The following FANK1 variants were observed in gnomAD, a reference collection of about 807,000 sequenced individuals.
The protein encoded by FANK1 is fibronectin type III and ankyrin repeat domains 1, also known as fibronectin type 3 and ankyrin repeat domains protein 1.
A neutral mutation model predicts 45.3 loss-of-function variants in FANK1; 44 were observed. That is an observed-to-expected ratio of 0.97 (90% CI 0.76 to 1.25). The LOEUF is 1.25. Ranked by LOEUF, FANK1 falls within the 50% of genes most tolerant of loss-of-function variation. The pLI is 0.00. For missense variants in FANK1, 391 were observed against 424.4 expected, an observed-to-expected ratio of 0.92 and a Z score of 0.69; for synonymous variants, 149 against 152.5, an observed-to-expected ratio of 0.98 and a Z score of 0.17.
chr10:125,956,038 C>T (rs963974640), intron 1 of FANK1, among the ~76,000 whole-genome samples: 1 of 152,040 alleles, frequency 6.6e-6, no homozygotes, highest in African/African-American at 2.4e-5. Context: ...GCCCACATTC[C>T]CACTTCCATT....
chr10:125,900,809 G>A (rs1488523062), intron 1 of FANK1, among the ~76,000 whole-genome samples: 1 of 151,990 alleles, frequency 6.6e-6, no homozygotes, highest in Non-Finnish European at 1.5e-5. Context: ...ACGCCATCAT[G>A]CCTGGCTAAT....
At chr10:125,995,964 G>A (rs1462308783) in intron 4 of FANK1, among the ~76,000 whole-genome samples, 1 of 152,220 alleles carries the variant, frequency 6.6e-6, no homozygotes, top group African/African-American at 2.4e-5. Context: ...ATGAAAAGTA[G>A]ATGTTATCTA....
At chr10:125,951,237 A>T (rs1228266207) in intron 1 of FANK1, among the ~76,000 whole-genome samples, 1 of 100,382 alleles carries the variant, frequency 1.0e-5, no homozygotes, top group Non-Finnish European at 2.2e-5. Context: ...CTTAAAGTAT[A>T]AAAAAAAAAA....
In FANK1 at chr10:125,950,913, A is replaced by T. The variant is rs919397306; in HGVS notation, c.14-29248A>T. The stretch of plus-strand genomic sequence containing the variant: ...ATACACCATGGAATACTATGCAGCC[A>T]TAAAAAATGATGAGTTCGCGTCCTT... On this transcript the variant is annotated intron_variant, in intron 1 of 10. Transcript: ENST00000368693. Among the ~76,000 whole-genome samples the T allele has an allele frequency of 1.1e-4, 16 of 151,234 alleles. 1 individual carries two copies. Among genetic ancestry groups the T allele is most frequent in the Admixed American group, 1.1e-3 (16 of 15,170 alleles).
chr10:125,959,998 T>C (rs889358217), intron 1 of FANK1, among the ~76,000 whole-genome samples: 1 of 152,212 alleles, frequency 6.6e-6, no homozygotes, highest in Admixed American at 6.5e-5. Context: ...TTTAGAGCTA[T>C]ATTTCTTCTC....
intron 1 of FANK1, among the ~76,000 whole-genome samples, chr10:125,963,101 A>G (rs912134670): frequency 2.0e-5 from 3 of 151,578 alleles, no homozygotes; most frequent in African/African-American, 7.3e-5. Flanking sequence ...ATTCTGCCTC[A>G]GCCTCCTGAG....
chr10:125,963,828 C>T (rs1401057419), intron 1 of FANK1, among the ~76,000 whole-genome samples: 1 of 152,020 alleles, frequency 6.6e-6, no homozygotes, highest in Admixed American at 6.6e-5. Context: ...ACCAACATGG[C>T]ACATGTATAT....
chr10:125,989,524 C>G (rs1951788517), intron 3 of FANK1: 2 of 769,868 alleles, frequency 2.6e-6, no homozygotes, highest in Non-Finnish European at 4.6e-6. Context: ...CTAAAGTTAA[C>G]TCAGCTTTTG....
intron 4 of FANK1, 136 bp from the exon 5 acceptor site, chr10:125,996,414 T>A: frequency 1.4e-6 from 1 of 697,118 alleles, no homozygotes. Context: ...CAAGAAAAGA[T>A]TTAATGGCCA....
chr10:125,929,907 CT>C (rs1279465688), intron 1 of FANK1, among the ~76,000 whole-genome samples: 2 of 152,112 alleles, frequency 1.3e-5, no homozygotes, highest in Admixed American at 1.3e-4. Context: ...CGGCATACAC[CT>C]TATGGAGAGG....
chr10:125,898,935 C>T (rs1268595765), intron 1 of FANK1, among the ~76,000 whole-genome samples: 2 of 147,776 alleles, frequency 1.4e-5, no homozygotes. Flanking sequence ...TGCTCTGTCA[C>T]CCAGGCTGGA....
intron 1 of FANK1, among the ~76,000 whole-genome samples, chr10:125,979,491 A>G (rs770985034): frequency 2.0e-5 from 3 of 152,232 alleles, no homozygotes; most frequent in Non-Finnish European, 4.4e-5. Context: ...TACAACTGGC[A>G]CATGAGAATA....
chr10:125,920,784 AG>A, intron 1 of FANK1, among the ~76,000 whole-genome samples: 1 of 152,174 alleles, frequency 6.6e-6, no homozygotes, highest in Admixed American at 6.5e-5. Context: ...GTTTTTTAAA[AG>A]GTTTAATATG....
At chr10:126,003,712 C>G (rs995185564) in intron 6 of FANK1, among the ~76,000 whole-genome samples, 6 of 151,738 alleles carry the variant, frequency 4.0e-5, no homozygotes, top group East Asian at 3.9e-4. Flanking sequence ...GTCTTGCTCT[C>G]TCTCCCAGGT....
chr10:126,000,955 A>G (rs775868621), intron 6 of FANK1, among the ~76,000 whole-genome samples: 3 of 142,668 alleles, frequency 2.1e-5, no homozygotes, highest in Non-Finnish European at 3.2e-5. Flanking sequence ...CAATTTTTCT[A>G]TCAAATTGGT....
At chr10:125,919,210 T>TTTTC (rs1719119995) in intron 1 of FANK1, among the ~76,000 whole-genome samples, 1 of 119,554 alleles carries the variant, frequency 8.4e-6, no homozygotes, top group Non-Finnish European at 1.7e-5. Context: ...TTTTTTTTTT[T>TTTTC]TTTTTTTTTT....
intron 1 of FANK1, among the ~76,000 whole-genome samples, chr10:125,897,248 T>C (rs1238356225): frequency 6.6e-6 from 1 of 152,172 alleles, no homozygotes; most frequent in Non-Finnish European, 1.5e-5. Flanking sequence ...TTGTAATCTC[T>C]TTTTCTGTTT....
chr10:125,995,512 G>C lies in FANK1; in HGVS notation c.398+14G>C. The C allele has an allele frequency of 1.2e-6, 2 of 1,613,406 alleles. No individual in the cohort carries two copies. The highest frequency in any genetic ancestry group is 1.1e-5 in the South Asian group (1 of 91,068). On this transcript the variant is annotated intron_variant, in intron 4 of 10. Transcript: ENST00000368693. The stretch of plus-strand genomic sequence containing the variant: ...ACTTCAAGGAGGGTGAGAGAACTCT[G>C]TCAGTTGTTTTTTTTCCCCCATGCC...
At chr10:125,960,853 A>G (rs965134574) in intron 1 of FANK1, among the ~76,000 whole-genome samples, 8 of 152,178 alleles carry the variant, frequency 5.3e-5, no homozygotes, top group Non-Finnish European at 8.8e-5. Context: ...AGTCTTTATC[A>G]AAATACCAAT....
Sources: allele counts gnomAD v4.1 joint callset (sites outside exome capture counted in the v4.1 genomes callset), GRCh38; gene constraint gnomAD v4.1.1; transcripts MANE v1.5; gene names NCBI Gene and HGNC (gene_info 2026-07-23, HGNC 2026-07-21).